The following PROCR variants were observed in gnomAD, a reference collection of about 807,000 sequenced individuals.
PROCR encodes the protein endothelial protein C receptor.
In PROCR, 22 loss-of-function variants were observed where a neutral mutation model predicts 24.2. The ratio of observed to expected loss-of-function variants is 0.91; its 90% CI spans 0.65 to 1.30. The LOEUF (loss-of-function observed/expected upper bound fraction) is 1.30, where lower values mean the gene tolerates loss of function less well. PROCR is among the 50% of genes most tolerant of loss of function. The pLI is 0.00. For synonymous variants in PROCR, 137 were observed against 139.2 expected (o/e 0.98, Z 0.11); for missense variants, 288 against 307.7 (o/e 0.94, Z 0.48).
chr20:35,203,649 C>T (rs1336243245), intron 1 of PROCR, among the ~76,000 whole-genome samples: 1 of 151,710 alleles, frequency 6.6e-6, no homozygotes, highest in African/African-American at 2.4e-5. Context: ...AAAAAGAGAA[C>T]TCTCAAATAT....
chr20:35,211,196 CCCATTTGAAAA>C (rs972540194), intron 1 of PROCR, among the ~76,000 whole-genome samples: 1 of 152,110 alleles, frequency 6.6e-6, no homozygotes, highest in African/African-American at 2.4e-5. Context: ...TATTGCATAC[CCCATTTGAAAA>C]CCAGTGTTGC....
intron 1 of PROCR, among the ~76,000 whole-genome samples, chr20:35,185,610 T>G (rs544012517): frequency 4.4e-4 from 67 of 152,328 alleles, no homozygotes; most frequent in Middle Eastern, 3.4e-3. Flanking sequence ...TAGAGACTAT[T>G]ATTCTAAGTG....
chr20:35,205,912 C>G (rs1221680833), intron 1 of PROCR, among the ~76,000 whole-genome samples: 2 of 148,422 alleles, frequency 1.3e-5, no homozygotes, highest in Non-Finnish European at 3.0e-5. Flanking sequence ...GGTGATCCCC[C>G]CCCCAACCTC....
chr20:35,185,030 C>CAAAAAA (rs55715132), intron 1 of PROCR, among the ~76,000 whole-genome samples: 5 of 104,104 alleles, frequency 4.8e-5, no homozygotes, highest in East Asian at 3.2e-4. Context: ...ATCAGTAAGA[C>CAAAAAA]AAAAAAAAAA....
chr20:35,215,497 C>CA (rs2060378890), intron 1 of PROCR, among the ~76,000 whole-genome samples: 1 of 143,582 alleles, frequency 7.0e-6, no homozygotes, highest in Non-Finnish European at 1.5e-5. Context: ...CAAGTCTTAT[C>CA]TTTTTTTTTT....
intron 1 of PROCR, among the ~76,000 whole-genome samples, chr20:35,213,795 C>T (rs1204030499): frequency 6.6e-6 from 1 of 152,122 alleles, no homozygotes; most frequent in Non-Finnish European, 1.5e-5. Context: ...TCCTTCCAGC[C>T]AGGCATGGTG....
chr20:35,176,954 A>T lies in PROCR; in HGVS notation c.*141A>T. On this transcript the variant is annotated 3_prime_UTR_variant, in exon 4 of 4. Transcript: ENST00000216968. ...CTCCTTTCTTCTCCCACATCTGCCC[A>T]CTGAAGATTTGAGGGAGGGGAGATG... is the stretch of plus-strand genomic sequence containing the variant. 6.6e-7 allele frequency: 1 copy of T among 1,513,294 alleles called. No individual in the cohort carries two copies. Among genetic ancestry groups the T allele is most frequent in the Non-Finnish European group, 8.9e-7 (1 of 1,129,272 alleles). The allele number at this position is 1,513,294 out of a possible 1,614,324, so 93.7% of individuals were successfully genotyped here.
chr20:35,203,489 C>T lies in PROCR; in HGVS notation c.95-12404C>T, dbSNP rs539293756. Among the ~76,000 whole-genome samples the T allele has an allele frequency of 3.7e-3, 550 of 150,518 alleles. 2 individuals are homozygous for T. Among genetic ancestry groups the T allele is most frequent in the Non-Finnish European group, 5.6e-3 (377 of 67,650 alleles). On this transcript the variant is annotated intron_variant, in intron 1 of 1. Coordinates refer to the PROCR transcript ENST00000634509. Reference sequence around the variant, plus strand: ...ACGAACTCTTGGGCGTGATAGTGCGCGCCTGTAATCTCAGCTATTCAGGAG... The same window carrying T: ...ACGAACTCTTGGGCGTGATAGTGCGTGCCTGTAATCTCAGCTATTCAGGAG...
At chr20:35,214,634 A>G (rs1408388198) in intron 1 of PROCR, among the ~76,000 whole-genome samples, 2 of 150,242 alleles carry the variant, frequency 1.3e-5, no homozygotes, top group African/African-American at 4.9e-5. Flanking sequence ...GGTTGCAGTG[A>G]GCCGAGATCG....
rs1474589326 is a variant in PROCR, at chr20:35,172,189, C to G, written c.35C>G (p.Ser12Cys). 6.2e-7 allele frequency: 1 copy of G among 1,614,106 alleles called. No homozygotes were observed. Among genetic ancestry groups the G allele is most frequent in the African/African-American group, 1.3e-5 (1 of 74,938 alleles). The change falls in exon 1 of 4, where the codon TCT (serine) becomes TGT (cysteine). Residue 12 changes from serine to cysteine, a missense_variant. Transcript: ENST00000216968. ...ACATTGCTGCCGATACTGCTGCTGT[C>G]TGGCTGGGCCTTTTGTAGCCAAGAC... ...LTTLLPILLL[S>C]GWAFCSQDAS...
chr20:35,211,389 G>T (rs903911553), intron 1 of PROCR, among the ~76,000 whole-genome samples: 2 of 152,088 alleles, frequency 1.3e-5, no homozygotes, highest in Non-Finnish European at 2.9e-5. Flanking sequence ...TCAGGTCCAG[G>T]TACCTCCCAC....
chr20:35,190,441 T>C (rs1016795448), intron 1 of PROCR, among the ~76,000 whole-genome samples: 1 of 152,210 alleles, frequency 6.6e-6, no homozygotes, highest in African/African-American at 2.4e-5. Flanking sequence ...CTCTTCCTTC[T>C]CTTTCCTCTC....
intron 1 of PROCR, among the ~76,000 whole-genome samples, chr20:35,173,423 C>CTTTT (rs58785250): frequency 2.7e-4 from 24 of 88,148 alleles, no homozygotes; most frequent in Non-Finnish European, 3.9e-4. Context: ...TTTCTTTTTT[C>CTTTT]TTTTTTTTTT....
At chr20:35,205,752 A>G (rs867572388) in intron 1 of PROCR, among the ~76,000 whole-genome samples, 4 of 102,678 alleles carry the variant, frequency 3.9e-5, no homozygotes, top group Non-Finnish European at 7.4e-5. Flanking sequence ...ACTCTGTCTA[A>G]ATATATATAT....
At position 35,174,836 on chromosome 20, in the gene PROCR, C is replaced by G. The variant is rs1282633530; in HGVS notation, c.205C>G (p.Gln69Glu). 6.2e-7 allele frequency: 1 copy of G among 1,614,132 alleles called. No homozygotes were observed. Among genetic ancestry groups the G allele is most frequent in the East Asian group, 2.2e-5 (1 of 44,884 alleles). Residue 69 changes from glutamine (Q) to glutamate (E), a missense_variant, in exon 2 of 4, where the codon CAG becomes GAG. Coordinates refer to ENST00000216968, the MANE Select transcript of PROCR (RefSeq NM_006404.5). Reference sequence around the variant, plus strand: ...CCCAGACACCAACACCACGATCATTCAGCTGCAGCCCTTGCAGGAGCCCGA... The same window carrying G: ...CCCAGACACCAACACCACGATCATTGAGCTGCAGCCCTTGCAGGAGCCCGA... ...EGPDTNTTII[Q>E]LQPLQEPESW... is the part of the protein sequence containing the mutation.
intron 1 of PROCR, among the ~76,000 whole-genome samples, chr20:35,209,612 A>G (rs2060354361): frequency 6.6e-6 from 1 of 152,178 alleles, no homozygotes; most frequent in South Asian, 2.1e-4. Context: ...GAAGAGATGG[A>G]GCTAGCAAAA....
At position 35,177,165 on chromosome 20, in the gene PROCR, AC is replaced by A; in HGVS notation, c.*354del. The A allele has an allele frequency of 8.8e-7, 1 of 1,142,096 alleles. No individual in the cohort carries two copies. Among genetic ancestry groups the A allele is most frequent in the South Asian group, 2.1e-5 (1 of 48,306 alleles). 70.7% of individuals were successfully genotyped at this position (1,142,096 alleles called of 1,614,324 possible). On this transcript the variant is annotated 3_prime_UTR_variant, in exon 4 of 4. Transcript: ENST00000216968. ...TCACCTGAGGCGTTCAAAAGATATA[AC>A]CAAATAAACAAGTCATCCACAATCA...
At chr20:35,184,953 G>T (rs2086110416) in intron 1 of PROCR, among the ~76,000 whole-genome samples, 1 of 140,534 alleles carries the variant, frequency 7.1e-6, no homozygotes, top group Non-Finnish European at 1.5e-5. Context: ...CAGAGTGGGA[G>T]AAAATCTTCA....
At chr20:35,197,486 G>A (rs2060302188) in intron 1 of PROCR, among the ~76,000 whole-genome samples, 1 of 152,038 alleles carries the variant, frequency 6.6e-6, no homozygotes, top group African/African-American at 2.4e-5. Flanking sequence ...ATTGAAATTA[G>A]GCCAATGAAT....
Sources: gnomAD v4.1 joint callset for allele counts (sites outside exome capture counted in the v4.1 genomes callset) on GRCh38, gnomAD v4.1.1 for gene constraint, MANE v1.5 for transcripts, NCBI Gene and HGNC (gene_info 2026-07-23, HGNC 2026-07-21) for gene names.